The following JMJD1C variants were observed in gnomAD, a reference collection of about 807,000 sequenced individuals.
The protein encoded by JMJD1C is jumonji domain containing 1C.
Under a neutral mutation model 245.3 loss-of-function variants are expected in JMJD1C, and 31 were observed. The ratio of observed to expected loss-of-function variants is 0.13; its 90% CI spans 0.09 to 0.17. The LOEUF is 0.17. Ranked by LOEUF, JMJD1C falls within the 10% of genes least tolerant of loss-of-function variation. The probability of loss-of-function intolerance (pLI) is 1.00; values close to 1 mark genes in which losing one functional copy is unlikely to be tolerated. For missense variants in JMJD1C, 2,691 were observed against 3,000.2 expected (o/e 0.90, Z 2.41); for synonymous variants, 1,057 against 1,017.4 (o/e 1.04, Z -0.74).
At chr10:63,449,069 A>G (rs145056135) in intron 1 of JMJD1C, among the ~76,000 whole-genome samples, 243 of 152,274 alleles carry the variant, frequency 1.6e-3, no homozygotes, top group Non-Finnish European at 2.7e-3. Flanking sequence ...GTGAGCCAAG[A>G]TCTCACCACT....
At chr10:63,331,112 AGTATCTC>A (rs1942091950) in intron 2 of JMJD1C, among the ~76,000 whole-genome samples, 2 of 152,206 alleles carry the variant, frequency 1.3e-5, no homozygotes, top group South Asian at 4.1e-4. Context: ...TTCCAATGCT[AGTATCTC>A]CAACATTTAA....
chr10:63,195,059 A>C (rs1589116751), intron 13 of JMJD1C, among the ~76,000 whole-genome samples: 1 of 152,282 alleles, frequency 6.6e-6, no homozygotes. Flanking sequence ...TCAGCATAAA[A>C]AAATCTAGAA....
intron 3 of JMJD1C, among the ~76,000 whole-genome samples, chr10:63,258,206 C>T (rs1854221518): frequency 6.6e-6 from 1 of 152,142 alleles, no homozygotes; most frequent in Admixed American, 6.5e-5. Context: ...GTTGAGGAAA[C>T]CATTTATTCA....
At chr10:63,347,810 C>T (rs904946905) in intron 2 of JMJD1C, among the ~76,000 whole-genome samples, 10 of 151,220 alleles carry the variant, frequency 6.6e-5, no homozygotes, top group Admixed American at 4.0e-4. Context: ...GCTACTCCGG[C>T]GGCGGAGGCA....
chr10:63,227,224 A>G (rs1249347770), intron 3 of JMJD1C, among the ~76,000 whole-genome samples: 2 of 152,234 alleles, frequency 1.3e-5, no homozygotes, highest in Non-Finnish European at 2.9e-5. Flanking sequence ...ATATTCAGAT[A>G]TGCCTAGTTA....
At chr10:63,402,208 A>G (rs1470398849) in intron 1 of JMJD1C, among the ~76,000 whole-genome samples, 1 of 152,172 alleles carries the variant, frequency 6.6e-6, no homozygotes, top group Non-Finnish European at 1.5e-5. Context: ...GGGCTAAAAA[A>G]TGGTCAAAAT....
intron 1 of JMJD1C, among the ~76,000 whole-genome samples, chr10:63,408,753 A>G (rs1021859452): frequency 2.0e-5 from 3 of 151,876 alleles, no homozygotes; most frequent in African/African-American, 7.3e-5. Flanking sequence ...CTCCATCGAT[A>G]CAAGAGAATA....
At chr10:63,364,788 CAT>C (rs1340453359) in intron 2 of JMJD1C, among the ~76,000 whole-genome samples, 3 of 152,142 alleles carry the variant, frequency 2.0e-5, no homozygotes, top group African/African-American at 4.8e-5. Context: ...TGGCCGAGCA[CAT>C]GTTTTACCAG....
At chr10:63,326,085 C>T (rs1290138755) in intron 2 of JMJD1C, among the ~76,000 whole-genome samples, 6 of 152,098 alleles carry the variant, frequency 3.9e-5, no homozygotes, top group African/African-American at 1.4e-4. Context: ...GAAGTATCCA[C>T]ATAGAGGAAC....
intron 22 of JMJD1C, among the ~76,000 whole-genome samples, chr10:63,180,612 T>A (rs1398988012): frequency 6.6e-6 from 1 of 152,190 alleles, no homozygotes; most frequent in Non-Finnish European, 1.5e-5. Context: ...TTTGTTTGTT[T>A]GTTTGTTTGA....
chr10:63,275,381 T>C (rs1254237990), intron 2 of JMJD1C, among the ~76,000 whole-genome samples: 1 of 152,190 alleles, frequency 6.6e-6, no homozygotes, highest in African/African-American at 2.4e-5. Context: ...AGTCACAAAG[T>C]ACAAAGGAAA....
At chr10:63,420,484 C>T (rs1266781261) in intron 1 of JMJD1C, among the ~76,000 whole-genome samples, 2 of 151,746 alleles carry the variant, frequency 1.3e-5, no homozygotes, top group Non-Finnish European at 2.9e-5. Flanking sequence ...TAGCATAGAT[C>T]GCTTGAACTT....
rs1378403076 is a variant in JMJD1C at position 63,200,519 on chromosome 10, GTTC to G, written c.5230_5232del (p.Glu1744del). The stretch of plus-strand genomic sequence containing the variant: ...CTACAAAATACTGGTGAGTGAGCTG[GTTC>G]TTCTCCTTTTTTACTGCGAATAAGT... On this transcript the variant is annotated inframe_deletion, in exon 11 of 26. Coordinates refer to ENST00000399262, the MANE Select transcript of JMJD1C (RefSeq NM_032776.3). 6.2e-7 allele frequency: 1 copy of G among 1,613,880 alleles called. No homozygotes were observed. The highest frequency in any genetic ancestry group is 2.2e-5 in the East Asian group (1 of 44,860).
chr10:63,353,424 T>A (rs1392741416), intron 2 of JMJD1C, among the ~76,000 whole-genome samples: 1 of 152,198 alleles, frequency 6.6e-6, no homozygotes, highest in African/African-American at 2.4e-5. Flanking sequence ...GCTAACAGAT[T>A]TTATGCAAAG....
chr10:63,517,352 C>CT (rs1490129813), intron 1 of JMJD1C, among the ~76,000 whole-genome samples: 1 of 152,194 alleles, frequency 6.6e-6, no homozygotes, highest in Non-Finnish European at 1.5e-5. Flanking sequence ...GAAACCAATG[C>CT]TTTTAACAGT....
rs141160908 is a variant in JMJD1C at position 63,248,521 on chromosome 10, AATAGATAG to A, written c.447+16122_447+16129del. Among the ~76,000 whole-genome samples, 3 of 134,602 alleles carry A rather than the reference AATAGATAG, an allele frequency of 2.2e-5. No individual in the cohort carries two copies. The East Asian group carries it at 6.5e-4, about 29-fold the overall frequency. The allele number at this position is 134,602 out of a possible 152,430, so 88.3% of individuals were successfully genotyped here. On this transcript the variant is annotated intron_variant, in intron 3 of 25. Coordinates refer to ENST00000399262, the MANE Select transcript of JMJD1C (RefSeq NM_032776.3). ...GGGCAACAGAATGAGACCTCATCTCAATAGATAGATAAATAAATAAATAAATAAATAAA... is the reference window on the plus strand; with the variant it reads ...GGGCAACAGAATGAGACCTCATCTCAATAAATAAATAAATAAATAAATAAA...
At chr10:63,388,556 T>C (rs1175310482) in intron 1 of JMJD1C, among the ~76,000 whole-genome samples, 4 of 151,990 alleles carry the variant, frequency 2.6e-5, no homozygotes, top group African/African-American at 7.3e-5. Flanking sequence ...ACCCCAGTGG[T>C]AGAGCAAATA....
chr10:63,499,875 T>G (rs1274711590), intron 1 of JMJD1C, among the ~76,000 whole-genome samples: 1 of 152,236 alleles, frequency 6.6e-6, no homozygotes, highest in Admixed American at 6.5e-5. Context: ...TCCTTTTGTT[T>G]TAGGTGAAGC....
chr10:63,492,319 A>G (rs1291349700), intron 1 of JMJD1C, among the ~76,000 whole-genome samples: 5 of 152,230 alleles, frequency 3.3e-5, no homozygotes, highest in Non-Finnish European at 4.4e-5. Context: ...ACAAAGTTTG[A>G]TGAAATTAAT....
Sources: allele counts gnomAD v4.1 joint callset (sites outside exome capture counted in the v4.1 genomes callset), GRCh38; gene constraint gnomAD v4.1.1; transcripts MANE v1.5; gene names NCBI Gene and HGNC (gene_info 2026-07-23, HGNC 2026-07-21).